CNIH4: variants seen among roughly 807,000 people sequenced by gnomAD.
The protein encoded by CNIH4 is cornichon family member 4.
Under a neutral mutation model 21.5 loss-of-function variants are expected in CNIH4, and 9 were observed. The observed-to-expected ratio is 0.42, with a 90% CI of 0.25 to 0.73. The LOEUF is 0.73. CNIH4 is among the 30% of genes least tolerant of loss of function. The pLI, the probability that CNIH4 is intolerant of heterozygous loss-of-function variation, is 0.27. For synonymous variants in CNIH4, 67 were observed against 59.1 expected (o/e 1.13, Z -0.61); for missense variants, 159 against 170.0 (o/e 0.94, Z 0.36).
At chr1:224,372,165 A>G (rs892284588) in intron 4 of CNIH4, among the ~76,000 whole-genome samples, 2 of 152,204 alleles carry the variant, frequency 1.3e-5, no homozygotes, top group Non-Finnish European at 2.9e-5. Context: ...CTATTATGGT[A>G]AAGTTGTATC....
Position 224,378,888 on chromosome 1 carries a change from G to C in CNIH4, c.*3066G>C. The C allele has an allele frequency of 3.4e-6, 2 of 585,612 alleles. No individual in the cohort carries two copies. Among genetic ancestry groups the C allele is most frequent in the South Asian group, 3.9e-5 (2 of 50,694 alleles). The allele number at this position is 585,612 out of a possible 1,614,324, so 36.3% of individuals were successfully genotyped here. ...AGGCCTAGAGATCGTTCAGGGTGTTGTAACTGGGAACATCTGAATGCTGAG... is the reference window on the plus strand; with the variant it reads ...AGGCCTAGAGATCGTTCAGGGTGTTCTAACTGGGAACATCTGAATGCTGAG... On this transcript the variant is annotated 3_prime_UTR_variant, in exon 5 of 5. Coordinates refer to ENST00000465271, the MANE Select transcript of CNIH4 (RefSeq NM_014184.4).
chr1:224,357,331 T>A, intron 1 of CNIH4: 1 of 234,598 alleles, frequency 4.3e-6, no homozygotes, highest in Non-Finnish European at 8.1e-6. Flanking sequence ...CAGCCCTGCC[T>A]GAGCCACGGC....
At chr1:224,370,678 A>G (rs571064288) in intron 3 of CNIH4, among the ~76,000 whole-genome samples, 116 of 152,322 alleles carry the variant, frequency 7.6e-4, no homozygotes, top group African/African-American at 2.6e-3. Context: ...TGTGACTGGT[A>G]TGGTAGTTTT....
chr1:224,364,259 G>T (rs1302084500), intron 2 of CNIH4: 2 of 985,086 alleles, frequency 2.0e-6, no homozygotes, highest in South Asian at 4.7e-5. Flanking sequence ...AAAGAAACAT[G>T]TTTCAGGTCT....
chr1:224,360,690 G>T (rs1672261740), intron 2 of CNIH4, 127 bp downstream of exon 2: 2 of 445,474 alleles, frequency 4.5e-6, no homozygotes, highest in South Asian at 1.3e-4. Context: ...TTGGAAATTT[G>T]ATGGAACTGC....
At position 224,378,996 on chromosome 1, in the gene CNIH4, C is replaced by A; in HGVS notation, c.*3174C>A. Reference sequence around the variant, plus strand: ...CAGTACCCAGGGCCCGGTCCATAGACTACTATCGAGTGCTCCTATGTGCAT... The same window carrying A: ...CAGTACCCAGGGCCCGGTCCATAGAATACTATCGAGTGCTCCTATGTGCAT... On this transcript the variant is annotated 3_prime_UTR_variant, in exon 5 of 5. Transcript: ENST00000465271. 1 of 1,443,294 alleles carries A rather than the reference C, an allele frequency of 6.9e-7. No individual in the cohort carries two copies. The highest frequency in any genetic ancestry group is 9.5e-7 in the Non-Finnish European group (1 of 1,049,004). The allele number at this position is 1,443,294 out of a possible 1,614,324, so 89.4% of individuals were successfully genotyped here. A position where few individuals can be genotyped will look rare whatever the true frequency, so the allele number is the denominator to read the frequency against.
chr1:224,376,942 A>C lies in CNIH4; in HGVS notation c.*1120A>C, dbSNP rs996531921. On this transcript the variant is annotated 3_prime_UTR_variant, in exon 5 of 5. Coordinates refer to ENST00000465271, the MANE Select transcript of CNIH4 (RefSeq NM_014184.4). ...AGCACTGGCATTTGGGCAAAACATGACTGTGTTCTGTGGGAGAATCCAAAG... is the reference window on the plus strand; with the variant it reads ...AGCACTGGCATTTGGGCAAAACATGCCTGTGTTCTGTGGGAGAATCCAAAG... The C allele has an allele frequency of 5.1e-6, 5 of 980,714 alleles. No individual in the cohort carries two copies. Among genetic ancestry groups the C allele is most frequent in the Non-Finnish European group, 6.1e-6 (5 of 825,742 alleles). The allele number at this position is 980,714 out of a possible 1,614,324, so 60.8% of individuals were successfully genotyped here.
rs574510414 is a variant in CNIH4, at chr1:224,372,575, G to T, written c.392+1152G>T. On this transcript the variant is annotated intron_variant, in intron 4 of 4. Transcript: ENST00000465271. Reference sequence around the variant, plus strand: ...TAGAGATAGCAGGGGTTTTTTTTTTGTTTGTTTTGTTTTGTTTTGTTTTTC... The same window carrying T: ...TAGAGATAGCAGGGGTTTTTTTTTTTTTTGTTTTGTTTTGTTTTGTTTTTC... 3.6e-3 allele frequency among the ~76,000 whole-genome samples: 531 copies of T among 149,550 alleles called. 3 individuals are homozygous for T. The highest frequency in any genetic ancestry group is 0.012 in the African/African-American group (482 of 40,780).
rs1672787359 is a variant in CNIH4 at position 224,376,600 on chromosome 1, A to G, written c.*778A>G. On this transcript the variant is annotated 3_prime_UTR_variant, in exon 5 of 5. Coordinates refer to ENST00000465271, the MANE Select transcript of CNIH4 (RefSeq NM_014184.4). ...ATAACGTATTTTCATGGGTTTGGGT[A>G]GAAGATGCTAATCAGATTAGAAGCA... 1.0e-6 allele frequency: 1 copy of G among 985,318 alleles called. No individual in the cohort carries two copies. The highest frequency in any genetic ancestry group is 6.1e-5 in the Admixed American group (1 of 16,266). 61.0% of individuals were successfully genotyped at this position (985,318 alleles called of 1,614,324 possible).
chr1:224,365,954 C>G lies in CNIH4; in HGVS notation c.214C>G (p.Leu72Val). Reference protein sequence around the residue: ...LLMSLHWFIFLLNLPVATWNI... With the variant: ...LLMSLHWFIFVLNLPVATWNI... ...CATGTCATTGCACTGGTTCATCTTC[C>G]TTCTCAACTTACCTGTTGCCACTTG... The change falls in exon 3 of 5, where the codon CTT becomes GTT. Residue 72 changes from leucine to valine, a missense_variant. Physicochemically the swap from Leu to Val is conservative, Grantham distance 32. Coordinates refer to ENST00000465271, the MANE Select transcript of CNIH4 (RefSeq NM_014184.4). The G allele has an allele frequency of 6.2e-7, 1 of 1,610,932 alleles. No homozygotes were observed. The highest frequency in any genetic ancestry group is 8.5e-7 in the Non-Finnish European group (1 of 1,177,084).
intron 1 of CNIH4, 79 bp from the exon 2 acceptor site, chr1:224,360,416 G>A (rs184025462): frequency 2.9e-6 from 2 of 699,234 alleles, no homozygotes; most frequent in East Asian, 6.8e-5. Flanking sequence ...ATTCTGCCTT[G>A]TAACTGGGAT....
intron 1 of CNIH4, 111 bp from the exon 2 acceptor site, chr1:224,360,381 ACTC>A: frequency 1.9e-6 from 1 of 517,538 alleles, no homozygotes; most frequent in South Asian, 3.5e-5. Context: ...TTAGGAAACA[ACTC>A]ATTTTTTTCA....
chr1:224,377,764 G>A lies in CNIH4; in HGVS notation c.*1942G>A, dbSNP rs1672819937. ...CAAAGTGCTGGGATTATAGGTGTGA[G>A]CCACTGCGCCTGGCCATGTAGATGA... is the stretch of plus-strand genomic sequence containing the variant. On this transcript the variant is annotated 3_prime_UTR_variant, in exon 5 of 5. Transcript: ENST00000465271. 1 of 152,226 alleles carries A rather than the reference G, an allele frequency of 6.6e-6. No individual in the cohort carries two copies. Among genetic ancestry groups the A allele is most frequent in the Non-Finnish European group, 1.5e-5 (1 of 68,096 alleles). The allele number at this position is 152,226 out of a possible 1,614,324, so 9.4% of individuals were successfully genotyped here.
chr1:224,364,450 C>G, intron 2 of CNIH4: 3 of 872,192 alleles, frequency 3.4e-6, no homozygotes, highest in Non-Finnish European at 4.1e-6. Flanking sequence ...ACAACAACTT[C>G]GTGAGGTAGG....
rs1285702876 is a variant in CNIH4, at chr1:224,378,033, T to TG, written c.*2216dup. On this transcript the variant is annotated 3_prime_UTR_variant, in exon 5 of 5. Coordinates refer to ENST00000465271, the MANE Select transcript of CNIH4 (RefSeq NM_014184.4). Reference sequence around the variant, plus strand: ...TGCTTGTCTATCAAAGCCAGGAAAGTGGGGGATCACTGTAGTTAAATTTTT... The same window carrying TG: ...TGCTTGTCTATCAAAGCCAGGAAAGTGGGGGGATCACTGTAGTTAAATTTTT... 7.2e-5 allele frequency: 11 copies of TG among 151,944 alleles called. No homozygotes were observed. The highest frequency in any genetic ancestry group is 2.7e-4 in the African/African-American group (11 of 41,424). 9.4% of individuals were successfully genotyped at this position (151,944 alleles called of 1,614,324 possible).
intron 4 of CNIH4, among the ~76,000 whole-genome samples, chr1:224,374,060 C>T (rs1285477660): frequency 6.6e-6 from 1 of 152,142 alleles, no homozygotes; most frequent in African/African-American, 2.4e-5. Flanking sequence ...TATTACGTTA[C>T]CCTTTGGTGT....
chr1:224,357,026 C>T (rs755785996), intron 1 of CNIH4, 33 bp downstream of exon 1: 3 of 1,590,760 alleles, frequency 1.9e-6, no homozygotes, highest in Middle Eastern at 1.7e-4. Flanking sequence ...AACGCCTTGC[C>T]GGGGGACACG....
At chr1:224,357,090 CCCGGCGGCG>C in intron 1 of CNIH4, 97 bp downstream of exon 1, 5 of 1,416,076 alleles carry the variant, frequency 3.5e-6, no homozygotes, top group Non-Finnish European at 3.9e-6. Flanking sequence ...TAGGGAGGCG[CCCGGCGGCG>C]GGCGTGGGCT....
At chr1:224,357,175 C>T (rs1156266319) in intron 1 of CNIH4, 182 bp downstream of exon 1, 1 of 633,944 alleles carries the variant, frequency 1.6e-6, no homozygotes, top group African/African-American at 1.9e-5. Flanking sequence ...GGCTGGCTGC[C>T]CTACCCGACG....
Sources: gnomAD v4.1 joint callset for allele counts (sites outside exome capture counted in the v4.1 genomes callset) on GRCh38, gnomAD v4.1.1 for gene constraint, MANE v1.5 for transcripts, NCBI Gene and HGNC (gene_info 2026-07-23, HGNC 2026-07-21) for gene names.